OLFM3: variants seen among roughly 807,000 people sequenced by gnomAD.
OLFM3 encodes noelin-3.
In OLFM3, 20 loss-of-function variants were observed where a neutral mutation model predicts 48.6. The observed-to-expected ratio is 0.41, with a 90% CI of 0.29 to 0.60. The LOEUF is 0.60. Among genes scored for constraint, OLFM3 ranks in the 20% least tolerant of loss-of-function variants. OLFM3 has a pLI of 0.28. For synonymous variants in OLFM3, 222 were observed against 198.1 expected (o/e 1.12, Z -1.01); for missense variants, 437 against 544.3 (o/e 0.80, Z 1.96).
chr1:101,903,752 C>T (rs1159557027), intron 1 of OLFM3, among the ~76,000 whole-genome samples: 4 of 151,958 alleles, frequency 2.6e-5, no homozygotes, highest in Admixed American at 1.3e-4. Context: ...TTTCAATGCA[C>T]GTCCTTCTTA....
At chr1:101,844,646 A>G (rs913856608) in intron 1 of OLFM3, among the ~76,000 whole-genome samples, 1 of 152,164 alleles carries the variant, frequency 6.6e-6, no homozygotes, top group African/African-American at 2.4e-5. Flanking sequence ...TTCTAAGGAG[A>G]TATCTTGACT....
chr1:101,894,306 A>G (rs1238971219), intron 1 of OLFM3, among the ~76,000 whole-genome samples: 1 of 152,208 alleles, frequency 6.6e-6, no homozygotes, highest in Non-Finnish European at 1.5e-5. Context: ...TAGAAGGTAT[A>G]ACACAGAGAA....
intron 1 of OLFM3, among the ~76,000 whole-genome samples, chr1:101,955,429 G>T (rs1660259125): frequency 6.6e-6 from 1 of 151,632 alleles, no homozygotes; most frequent in African/African-American, 2.4e-5. Flanking sequence ...CTTTTTTGTG[G>T]ACAAAACTTT....
intron 1 of OLFM3, among the ~76,000 whole-genome samples, chr1:101,963,556 G>A (rs977887372): frequency 6.6e-6 from 1 of 150,534 alleles, no homozygotes; most frequent in African/African-American, 2.4e-5. Context: ...TCTTTTAGGA[G>A]AAATGTCTCC....
intron 1 of OLFM3, among the ~76,000 whole-genome samples, chr1:101,982,796 C>T (rs1014470723): frequency 6.6e-6 from 1 of 152,106 alleles, no homozygotes. Flanking sequence ...CAGAACTATA[C>T]CCTCTCCTTG....
intron 1 of OLFM3, among the ~76,000 whole-genome samples, chr1:101,868,281 G>C (rs765290702): frequency 6.6e-6 from 1 of 152,188 alleles, no homozygotes; most frequent in Non-Finnish European, 1.5e-5. Flanking sequence ...TGAACACGTA[G>C]AGAAGTTTGG....
intron 1 of OLFM3, among the ~76,000 whole-genome samples, chr1:101,874,195 A>C (rs1245883622): frequency 1.3e-5 from 2 of 151,862 alleles, no homozygotes; most frequent in Non-Finnish European, 2.9e-5. Context: ...CCTCTTGACC[A>C]TGTGGTTTTC....
chr1:101,804,993 G>T lies in OLFM3; in HGVS notation c.700-78C>A. 9.1e-7 allele frequency: 1 copy of T among 1,096,006 alleles called. No individual in the cohort carries two copies. The highest frequency in any genetic ancestry group is 1.3e-6 in the Non-Finnish European group (1 of 771,050). The allele number at this position is 1,096,006 out of a possible 1,614,324, so 67.9% of individuals were successfully genotyped here. On this transcript the variant is annotated intron_variant, in intron 5 of 5. Coordinates refer to ENST00000370103, the MANE Select transcript of OLFM3 (RefSeq NM_058170.4). This position sits in a 1 kb window ranked among gnomAD's most constrained non-coding sequence, Gnocchi z 4.5. The stretch of plus-strand genomic sequence containing the variant: ...TAACCCCAAAAGAAAGACAGTGAGA[G>T]TCAACACTTATTATAATTCTCAGGC...
chr1:101,865,204 C>G (rs377752851), intron 1 of OLFM3, among the ~76,000 whole-genome samples: 1 of 151,440 alleles, frequency 6.6e-6, no homozygotes, highest in Non-Finnish European at 1.5e-5. Flanking sequence ...ATTATGGAGC[C>G]CCCTGCACCA....
intron 1 of OLFM3, chr1:101,859,857 G>A (rs984177985): frequency 4.0e-5 from 6 of 151,458 alleles, no homozygotes; most frequent in African/African-American, 1.2e-4. Flanking sequence ...TAGAGTGCTC[G>A]CTTGAACAGC....
chr1:101,896,304 G>A (rs558381213), intron 1 of OLFM3, among the ~76,000 whole-genome samples: 240 of 151,878 alleles, frequency 1.6e-3, no homozygotes, highest in African/African-American at 5.5e-3. Flanking sequence ...ATGTTGTGTC[G>A]TCCTTGAATC....
At chr1:101,811,762 G>C (rs185085062) in intron 4 of OLFM3, among the ~76,000 whole-genome samples, 39 of 152,296 alleles carry the variant, frequency 2.6e-4, no homozygotes, top group African/African-American at 7.9e-4. Flanking sequence ...TTCAACCATT[G>C]TGGAAGACAG....
At chr1:101,824,249 G>C (rs1654740016) in intron 4 of OLFM3, among the ~76,000 whole-genome samples, 1 of 152,058 alleles carries the variant, frequency 6.6e-6, no homozygotes, top group Non-Finnish European at 1.5e-5. Context: ...CTAAAATACT[G>C]ATCCTAAATT....
At chr1:101,865,074 T>G (rs1434701812) in intron 1 of OLFM3, among the ~76,000 whole-genome samples, 1 of 152,214 alleles carries the variant, frequency 6.6e-6, no homozygotes, top group Non-Finnish European at 1.5e-5. Flanking sequence ...CCTTCAAAGT[T>G]GATTAGTATT....
rs558062238 is a variant in OLFM3, at chr1:101,974,768, C to T, written c.69+21980G>A. Among the ~76,000 whole-genome samples the T allele has an allele frequency of 8.5e-5, 13 of 152,178 alleles. No individual in the cohort carries two copies. In the East Asian group the frequency reaches 2.5e-3, roughly 29 times the overall value. ...CTAGATAGTTTTGACATTTGCTTAT[C>T]TACTTTTTTGTTTGGTCCTGGGTTC... On this transcript the variant is annotated intron_variant, in intron 1 of 5. Coordinates refer to ENST00000370103, the MANE Select transcript of OLFM3 (RefSeq NM_058170.4).
chr1:101,811,659 A>G (rs1654057424), intron 4 of OLFM3, among the ~76,000 whole-genome samples: 1 of 152,208 alleles, frequency 6.6e-6, no homozygotes, highest in South Asian at 2.1e-4. Flanking sequence ...AGCAGTTAGA[A>G]TGGCAATCAT....
chr1:101,863,439 T>TAGAGA, intron 1 of OLFM3, among the ~76,000 whole-genome samples: 1 of 152,248 alleles, frequency 6.6e-6, no homozygotes, highest in East Asian at 1.9e-4. Context: ...TTGTATGTTT[T>TAGAGA]AGAGAAGAAT....
At chr1:101,933,651 G>A (rs1484315604) in intron 1 of OLFM3, among the ~76,000 whole-genome samples, 2 of 151,908 alleles carry the variant, frequency 1.3e-5, no homozygotes, top group African/African-American at 2.4e-5. Context: ...CATCTCTAAG[G>A]CACATAATCA....
chr1:101,932,577 C>T (rs1037071003), intron 1 of OLFM3, among the ~76,000 whole-genome samples: 1 of 152,116 alleles, frequency 6.6e-6, no homozygotes, highest in Non-Finnish European at 1.5e-5. Context: ...CTGAATCCAC[C>T]TTATACCACA....
Sources: allele counts gnomAD v4.1 joint callset (sites outside exome capture counted in the v4.1 genomes callset), GRCh38; gene constraint gnomAD v4.1.1; non-coding constraint Gnocchi (gnomAD v3.1); transcripts MANE v1.5; gene names NCBI Gene and HGNC (gene_info 2026-07-23, HGNC 2026-07-21).